SMARCB1: variants seen among roughly 807,000 people sequenced by gnomAD.
SMARCB1 encodes SWI/SNF-related matrix-associated actin-dependent regulator of chromatin subfamily B member 1.
SMARCB1 carries 5 observed loss-of-function variants against 49.0 expected under a neutral mutation model. That is an observed-to-expected ratio of 0.10 (90% CI 0.05 to 0.21). The LOEUF (loss-of-function observed/expected upper bound fraction) is 0.21. Among genes scored for constraint, SMARCB1 ranks in the 10% least tolerant of loss-of-function variants. SMARCB1 has a pLI of 1.00. For missense variants in SMARCB1, 226 were observed against 509.2 expected (o/e 0.44, Z 5.35); for synonymous variants, 201 against 200.1 (o/e 1.00, Z -0.04).
intron 6 of SMARCB1, among the ~76,000 whole-genome samples, chr22:23,822,271 G>A (rs920064200): frequency 1.3e-5 from 2 of 152,208 alleles, no homozygotes; most frequent in African/African-American, 4.8e-5. Flanking sequence ...GGGACATGGT[G>A]CTGCTGCAGT....
chr22:23,836,994 C>A lies in SMARCB1; in HGVS notation c.*2814C>A. On this transcript the variant is annotated 3_prime_UTR_variant, in exon 9 of 9. Coordinates refer to ENST00000644036, the MANE Select transcript of SMARCB1 (RefSeq NM_003073.5). ...GGAGGGGCCCGTGTTGAGCACAGGCCAGCACAGGTCCCCATCGGTGGGGAT... is the reference window on the plus strand; with the variant it reads ...GGAGGGGCCCGTGTTGAGCACAGGCAAGCACAGGTCCCCATCGGTGGGGAT... The A allele has an allele frequency of 6.2e-7, 1 of 1,610,650 alleles. No individual in the cohort carries two copies. Among genetic ancestry groups the A allele is most frequent in the Non-Finnish European group, 8.5e-7 (1 of 1,178,434 alleles).
intron 5 of SMARCB1, among the ~76,000 whole-genome samples, chr22:23,804,546 C>CT (rs917077922): frequency 3.3e-5 from 5 of 151,644 alleles, no homozygotes; most frequent in Middle Eastern, 3.4e-3. Flanking sequence ...TCTGGTTTCT[C>CT]TTTTTTTTGG....
chr22:23,812,552 A>G (rs1055161769), intron 5 of SMARCB1, among the ~76,000 whole-genome samples: 29 of 152,216 alleles, frequency 1.9e-4, no homozygotes, highest in Non-Finnish European at 4.4e-5. Context: ...AATATCCTTT[A>G]TGACTAAAGA....
intron 6 of SMARCB1, among the ~76,000 whole-genome samples, chr22:23,821,660 G>A (rs1002613408): frequency 1.3e-5 from 2 of 151,974 alleles, no homozygotes; most frequent in Non-Finnish European, 2.9e-5. Flanking sequence ...GACAAGCCTG[G>A]GCAACATGGT....
chr22:23,818,919 C>A (rs1310367145), intron 6 of SMARCB1, among the ~76,000 whole-genome samples: 2 of 152,136 alleles, frequency 1.3e-5, no homozygotes, highest in Non-Finnish European at 2.9e-5. Context: ...TGGCTCACTG[C>A]AACCTCTGCT....
chr22:23,825,562 C>T (rs903318541), intron 7 of SMARCB1, 147 bp downstream of exon 7: 1 of 687,238 alleles, frequency 1.5e-6, no homozygotes, highest in African/African-American at 1.8e-5. Flanking sequence ...GCTCCGTCCT[C>T]CTCCTGCCCT....
chr22:23,801,241 T>C (rs1929136494), intron 4 of SMARCB1, 160 bp downstream of exon 4: 1 of 1,020,182 alleles, frequency 9.8e-7, no homozygotes, highest in South Asian at 1.4e-5. Flanking sequence ...TTTCCCTGAC[T>C]TCCAGGACAT....
At chr22:23,803,204 C>G (rs941886121) in intron 4 of SMARCB1, 91 bp from the exon 5 acceptor site, 2 of 1,560,408 alleles carry the variant, frequency 1.3e-6, no homozygotes, top group Non-Finnish European at 1.8e-6. Flanking sequence ...GATGGGTTTG[C>G]AGAAGCCTGC....
chr22:23,831,446 G>A (rs6003905), intron 7 of SMARCB1, among the ~76,000 whole-genome samples: 34,709 of 151,990 alleles, frequency 0.23, 5,729 homozygotes, highest in African/African-American at 0.47. Context: ...TTCGAAGCCC[G>A]TGAACCAGAA....
chr22:23,805,390 T>C (rs1287572369), intron 5 of SMARCB1, among the ~76,000 whole-genome samples: 2 of 152,246 alleles, frequency 1.3e-5, no homozygotes, highest in South Asian at 2.1e-4. Context: ...ATGCCTGTTA[T>C]CTCTGCCAAG....
intron 3 of SMARCB1, among the ~76,000 whole-genome samples, chr22:23,799,512 G>GTTTT (rs533099329): frequency 5.6e-5 from 6 of 107,854 alleles, no homozygotes; most frequent in Non-Finnish European, 8.7e-5. Flanking sequence ...TCACCTTTTG[G>GTTTT]TTTTTTTTTT....
Position 23,836,358 on chromosome 22 carries a change from C to G in SMARCB1, c.*2178C>G, listed in dbSNP as rs1026120843. On this transcript the variant is annotated 3_prime_UTR_variant, in exon 9 of 9. Transcript: ENST00000644036. ...TAGATTGGCATCAGCCTGAAGGCACCACTGGCAGGAACATCTGTAGGCTGG... is the reference window on the plus strand; with the variant it reads ...TAGATTGGCATCAGCCTGAAGGCACGACTGGCAGGAACATCTGTAGGCTGG... 1.7e-5 allele frequency: 17 copies of G among 985,658 alleles called. No individual in the cohort carries two copies. Among genetic ancestry groups the G allele is most frequent in the Non-Finnish European group, 2.0e-5 (17 of 830,082 alleles). The allele number at this position is 985,658 out of a possible 1,614,324, so 61.1% of individuals were successfully genotyped here.
chr22:23,807,306 A>T (rs2145990004), intron 5 of SMARCB1, among the ~76,000 whole-genome samples: 1 of 152,288 alleles, frequency 6.6e-6, no homozygotes, highest in Non-Finnish European at 1.5e-5. Context: ...TTGGGCTCTA[A>T]AAAAGTTAAA....
At chr22:23,804,358 C>T (rs1929361171) in intron 5 of SMARCB1, 1 of 152,180 alleles carries the variant, frequency 6.6e-6, no homozygotes, top group Non-Finnish European at 1.5e-5. Context: ...GTGTGCACCA[C>T]TGTGCCAAGC....
In SMARCB1 at chr22:23,834,419, C is replaced by G. The variant is rs761543459; in HGVS notation, c.*239C>G. Reference sequence around the variant, plus strand: ...CCAGTCTCTGGGGTCAGGAAGAAACCTTATTTTAGGTTGTGTTTTGTTTTT... The same window carrying G: ...CCAGTCTCTGGGGTCAGGAAGAAACGTTATTTTAGGTTGTGTTTTGTTTTT... On this transcript the variant is annotated 3_prime_UTR_variant, in exon 9 of 9. Transcript: ENST00000644036. 5 of 661,440 alleles carry G rather than the reference C, an allele frequency of 7.6e-6. No homozygotes were observed. Among genetic ancestry groups the G allele is most frequent in the South Asian group, 6.1e-5 (4 of 65,726 alleles). The allele number at this position is 661,440 out of a possible 1,614,324, so 41.0% of individuals were successfully genotyped here.
At chr22:23,789,871 G>A (rs941759088) in intron 1 of SMARCB1, among the ~76,000 whole-genome samples, 1 of 152,176 alleles carries the variant, frequency 6.6e-6, no homozygotes, top group African/African-American at 2.4e-5. Context: ...AGAGAGGTGG[G>A]CCAGCCATAG....
intron 7 of SMARCB1, among the ~76,000 whole-genome samples, chr22:23,827,289 G>C (rs1295660739): frequency 6.6e-6 from 1 of 152,194 alleles, no homozygotes; most frequent in Admixed American, 6.5e-5. Context: ...AGGAACTGAA[G>C]TCCCCGGGGC....
chr22:23,815,119 A>G (rs949424294), intron 5 of SMARCB1: 1 of 152,230 alleles, frequency 6.6e-6, no homozygotes, highest in Non-Finnish European at 1.5e-5. Flanking sequence ...ATCTTTAAAA[A>G]GTGGTGACAG....
At chr22:23,808,898 A>G (rs144751267) in intron 5 of SMARCB1, among the ~76,000 whole-genome samples, 4,735 of 151,370 alleles carry the variant, frequency 0.031, 134 homozygotes, top group East Asian at 0.12. Flanking sequence ...GGGTTTCTCC[A>G]TGTTGGTCAG....
Sources: gnomAD v4.1 joint callset for allele counts (sites outside exome capture counted in the v4.1 genomes callset) on GRCh38, gnomAD v4.1.1 for gene constraint, MANE v1.5 for transcripts, NCBI Gene and HGNC (gene_info 2026-07-23, HGNC 2026-07-21) for gene names.